The following FGF14 variants were observed in gnomAD, a reference collection of about 807,000 sequenced individuals.
FGF14 encodes fibroblast growth factor homologous factor 4.
FGF14 carries 5 observed loss-of-function variants against 25.5 expected under a neutral mutation model. That is an observed-to-expected ratio of 0.20 (90% confidence interval 0.10 to 0.41). FGF14 has a LOEUF of 0.41. Ranked by LOEUF, FGF14 falls within the 10% of genes least tolerant of loss-of-function variation. The probability of loss-of-function intolerance (pLI) is 1.00; values close to 1 mark genes in which losing one functional copy is unlikely to be tolerated. For synonymous variants in FGF14, 138 were observed against 118.3 expected, an observed-to-expected ratio of 1.17 and a Z score of -1.08; for missense variants, 222 against 320.1, an observed-to-expected ratio of 0.69 and a Z score of 2.34.
In FGF14 at chr13:102,019,615, A is replaced by G. The variant is rs143788015; in HGVS notation, c.209-144319T>C. Among the ~76,000 whole-genome samples, 71 of 152,276 alleles carry G rather than the reference A, an allele frequency of 4.7e-4. No individual in the cohort carries two copies. In the Middle Eastern group the frequency reaches 0.014, roughly 29 times the overall value. On this transcript the variant is annotated intron_variant, in intron 1 of 4. Coordinates refer to the FGF14 transcript ENST00000376131. ...ACAGGTCTCTGTTTCCAAAGGTCAC[A>G]CTTTTTCTACTTTTAAAGCATACTG...
chr13:102,120,934 T>G (rs903199307), intron 1 of FGF14, among the ~76,000 whole-genome samples: 1 of 151,966 alleles, frequency 6.6e-6, no homozygotes, highest in African/African-American at 2.4e-5. Flanking sequence ...AAACTCCTGA[T>G]CTCAGGTGAT....
chr13:101,799,415 A>AGCCTGCAAGCAGTGTAGGCAAGT (rs1334948199), intron 3 of FGF14, among the ~76,000 whole-genome samples: 1 of 151,986 alleles, frequency 6.6e-6, no homozygotes, highest in African/African-American at 2.4e-5. Flanking sequence ...AGCAGAGGGG[A>AGCCTGCAAGCAGTGTAGGCAAGT]GCCTGCAAGC....
At chr13:101,853,258 T>G (rs1413421384) in intron 3 of FGF14, among the ~76,000 whole-genome samples, 1 of 152,088 alleles carries the variant, frequency 6.6e-6, no homozygotes, top group Non-Finnish European at 1.5e-5. Flanking sequence ...CTGTCTATTC[T>G]GGTTCATGGG....
At chr13:101,981,868 T>C (rs974848717) in intron 1 of FGF14, among the ~76,000 whole-genome samples, 14 of 152,158 alleles carry the variant, frequency 9.2e-5, no homozygotes, top group African/African-American at 3.4e-4. Context: ...TAGCTAAGGA[T>C]GAACAGCAAG....
chr13:102,391,899 A>G (rs1336642716), intron 1 of FGF14, among the ~76,000 whole-genome samples: 2 of 152,256 alleles, frequency 1.3e-5, no homozygotes, highest in Admixed American at 6.5e-5. Flanking sequence ...CAATACAACT[A>G]AAGAAGATGA....
intron 1 of FGF14, among the ~76,000 whole-genome samples, chr13:102,123,145 T>A (rs1013022878): frequency 3.9e-5 from 6 of 152,150 alleles, no homozygotes; most frequent in Non-Finnish European, 7.4e-5. Flanking sequence ...CCATGTGAAG[T>A]AGCTATCAGT....
chr13:101,748,273 C>T (rs2037024298), intron 3 of FGF14, among the ~76,000 whole-genome samples: 1 of 151,756 alleles, frequency 6.6e-6, no homozygotes, highest in Admixed American at 6.6e-5. Flanking sequence ...ATATGTATCA[C>T]ACACACACCA....
rs889890077 is a variant in FGF14, at chr13:102,268,689, T to G, written c.208+132782A>C. Among the ~76,000 whole-genome samples the G allele has an allele frequency of 5.3e-5, 8 of 152,232 alleles. 1 individual carries two copies. The highest frequency in any genetic ancestry group is 3.9e-4 in the Admixed American group (6 of 15,270). On this transcript the variant is annotated intron_variant, in intron 1 of 4. Transcript: ENST00000376131. ...TAATTTAAATCATATAAATCAAAAC[T>G]TAATAAAGACTACAGATGTTACCTG...
chr13:101,889,724 C>T (rs983267082), intron 1 of FGF14, among the ~76,000 whole-genome samples: 2 of 152,170 alleles, frequency 1.3e-5, no homozygotes, highest in African/African-American at 4.8e-5. Flanking sequence ...CTGAAACCTA[C>T]CCCATGCAAT....
At chr13:102,054,869 A>G (rs72662495) in intron 1 of FGF14, among the ~76,000 whole-genome samples, 1,589 of 152,124 alleles carry the variant, frequency 0.01, 10 homozygotes, top group Middle Eastern at 0.017. Context: ...ATCAAATCTC[A>G]TAAGTATTAT....
chr13:101,896,509 C>G (rs1224774170), intron 1 of FGF14, among the ~76,000 whole-genome samples: 1 of 152,068 alleles, frequency 6.6e-6, no homozygotes. Flanking sequence ...TCCAACTCCG[C>G]AATGGAGAAA....
At chr13:102,275,855 T>A (rs1422885798) in intron 1 of FGF14, among the ~76,000 whole-genome samples, 1 of 152,084 alleles carries the variant, frequency 6.6e-6, no homozygotes, top group African/African-American at 2.4e-5. Flanking sequence ...AAATGAAACA[T>A]ATATACAAGA....
intron 1 of FGF14, among the ~76,000 whole-genome samples, chr13:102,159,153 A>AG (rs2047506971): frequency 7.0e-6 from 1 of 142,012 alleles, no homozygotes; most frequent in Non-Finnish European, 1.5e-5. Flanking sequence ...AAAAAAAAAA[A>AG]AAAAGAAAAG....
At chr13:101,922,053 T>C (rs1457537895) in intron 1 of FGF14, among the ~76,000 whole-genome samples, 4 of 152,198 alleles carry the variant, frequency 2.6e-5, no homozygotes, top group African/African-American at 4.8e-5. Context: ...TACTGCCACA[T>C]ATCCAGTGTT....
At chr13:101,788,939 G>GAGAC (rs1295683951) in intron 3 of FGF14, among the ~76,000 whole-genome samples, 1 of 58,504 alleles carries the variant, frequency 1.7e-5, no homozygotes, top group African/African-American at 5.4e-5. Flanking sequence ...GAGAGAGAGA[G>GAGAC]AGAGAGAGAC....
At chr13:102,090,915 G>GTGGCTCTCAGTTCTATCATATTTGAAAC (rs2044137031) in intron 1 of FGF14, among the ~76,000 whole-genome samples, 1 of 152,208 alleles carries the variant, frequency 6.6e-6, no homozygotes, top group Non-Finnish European at 1.5e-5. Flanking sequence ...ATATTATACT[G>GTGGCTCTCAGTTCTATCATATTTGAAAC]TCTGAATCAA....
chr13:102,331,113 T>A (rs1463238364), intron 1 of FGF14, among the ~76,000 whole-genome samples: 1 of 152,080 alleles, frequency 6.6e-6, no homozygotes, highest in Non-Finnish European at 1.5e-5. Flanking sequence ...AAGTATGTCA[T>A]AAAATTATTA....
At chr13:102,046,565 A>G (rs1379964986) in intron 1 of FGF14, among the ~76,000 whole-genome samples, 3 of 152,162 alleles carry the variant, frequency 2.0e-5, no homozygotes, top group Non-Finnish European at 4.4e-5. Flanking sequence ...TGACAATTTA[A>G]TGCACCGTTC....
intron 3 of FGF14, among the ~76,000 whole-genome samples, chr13:101,804,468 G>C (rs1402871387): frequency 6.6e-6 from 1 of 152,146 alleles, no homozygotes; most frequent in African/African-American, 2.4e-5. Flanking sequence ...CCCCACACAA[G>C]AAGGGAGTTA....
Sources: gnomAD v4.1 joint callset for allele counts (sites outside exome capture counted in the v4.1 genomes callset) on GRCh38, gnomAD v4.1.1 for gene constraint, MANE v1.5 for transcripts, NCBI Gene and HGNC (gene_info 2026-07-23, HGNC 2026-07-21) for gene names.